The following CNKSR1 variants were observed in gnomAD, a reference collection of about 807,000 sequenced individuals.
The protein encoded by CNKSR1 is connector enhancer of kinase suppressor of Ras 1, also known as CNK homolog protein 1.
In CNKSR1, 88 loss-of-function variants were observed where a neutral mutation model predicts 95.6. The ratio of observed to expected loss-of-function variants is 0.92; its 90% CI spans 0.78 to 1.10. The LOEUF is 1.10. CNKSR1 is among the 50% of genes least tolerant of loss of function. CNKSR1 has a pLI of 0.00. For synonymous variants in CNKSR1, 355 were observed against 369.7 expected, an observed-to-expected ratio of 0.96 and a Z score of 0.46; for missense variants, 836 against 912.0, an observed-to-expected ratio of 0.92 and a Z score of 1.07.
chr1:26,188,591 C>G lies in CNKSR1; in HGVS notation c.1591-7C>G. On this transcript the variant is annotated splice_region_variant and splice_polypyrimidine_tract_variant and intron_variant, in intron 18 of 20. Transcript: ENST00000361530. ...GAAACCCTCTGTGCTTTCCACCCTG[C>G]CTGCAGCCCAGCCCTGCTCAAGCTG... 1 of 1,613,552 alleles carries G rather than the reference C, an allele frequency of 6.2e-7. No individual in the cohort carries two copies. Among genetic ancestry groups the G allele is most frequent in the Non-Finnish European group, 8.5e-7 (1 of 1,179,770 alleles).
chr1:26,184,728 T>G, intron 13 of CNKSR1, 116 bp downstream of exon 13: 2 of 1,268,238 alleles, frequency 1.6e-6, no homozygotes. Context: ...TGGAAACAGC[T>G]CTGTTTCTAG....
chr1:26,189,232 C>T lies in CNKSR1; in HGVS notation c.1873-47C>T, dbSNP rs542615973. The T allele has an allele frequency of 6.8e-6, 11 of 1,608,412 alleles. No homozygotes were observed. In the African/African-American group the frequency reaches 1.2e-4, roughly 18 times the overall value. ...GTGAAGTCTGGCCTCGGGCTCTGCC[C>T]ACTTCCCTGGGTGATCATGGTCCCT... On this transcript the variant is annotated intron_variant, in intron 20 of 20. Transcript: ENST00000361530.
rs746324200 is a variant in CNKSR1, at chr1:26,183,148, G to T, written c.625-49G>T. 3 of 1,575,684 alleles carry T rather than the reference G, an allele frequency of 1.9e-6. No individual in the cohort carries two copies. In the South Asian group the frequency reaches 3.3e-5, roughly 17 times the overall value. On this transcript the variant is annotated intron_variant, in intron 6 of 20. Coordinates refer to ENST00000361530, the MANE Select transcript of CNKSR1 (RefSeq NM_006314.3). ...GTGTCTGGCGGGGGTCCTGCCTATT[G>T]GCCCTGTTGCCCCCCAGCCCCCGGT...
At position 26,180,560 on chromosome 1, in the gene CNKSR1, C is replaced by G. The variant is rs1380537993; in HGVS notation, c.160C>G (p.Leu54Val). 2 of 1,614,110 alleles carry G rather than the reference C, an allele frequency of 1.2e-6. No individual in the cohort carries two copies. Among genetic ancestry groups the G allele is most frequent in the African/African-American group, 2.7e-5 (2 of 74,930 alleles). Reference protein sequence around the residue: ...QSLEALAVRSLGHQELILGGV... With the variant: ...QSLEALAVRSVGHQELILGGV... ...CCTCGAGGCTCTGGCTGTGCGGTCT[C>G]TGGGACACCAGGAGCTCATCCTGGG... Residue 54 changes from leucine to valine, a missense_variant, in exon 2 of 21, where the codon CTG becomes GTG. Transcript: ENST00000361530.
Position 26,188,571 on chromosome 1 carries a change from C to G in CNKSR1, c.1591-27C>G, listed in dbSNP as rs758145676. The G allele has an allele frequency of 2.5e-6, 4 of 1,612,906 alleles. No homozygotes were observed. In the South Asian group the frequency reaches 4.4e-5, roughly 18 times the overall value. On this transcript the variant is annotated intron_variant, in intron 18 of 20. Coordinates refer to ENST00000361530, the MANE Select transcript of CNKSR1 (RefSeq NM_006314.3). ...CAGGGCGTGGAGCTCAGACAGAAACCCTCTGTGCTTTCCACCCTGCCTGCA... is the reference window on the plus strand; with the variant it reads ...CAGGGCGTGGAGCTCAGACAGAAACGCTCTGTGCTTTCCACCCTGCCTGCA...
rs2088697889 is a variant in CNKSR1, at chr1:26,184,080, C to G, written c.865C>G (p.Gln289Glu). 2 of 1,611,400 alleles carry G rather than the reference C, an allele frequency of 1.2e-6. No individual in the cohort carries two copies. Among genetic ancestry groups the G allele is most frequent in the South Asian group, 1.1e-5 (1 of 90,860 alleles). Residue 289 changes from glutamine (Q) to glutamate (E), a missense_variant, in exon 10 of 21, where the codon CAG becomes GAG. Transcript: ENST00000361530. ...IPETPPQTPP[Q>E]VLDSPHQRSP... ...CCTGGTTGTTCCCCAGACGCCCCCT[C>G]AGGTCCTGGACTCCCCGCACCAGAG...
intron 6 of CNKSR1, among the ~76,000 whole-genome samples, chr1:26,182,837 T>A (rs1368316944): frequency 6.6e-6 from 1 of 152,260 alleles, no homozygotes; most frequent in South Asian, 2.1e-4. Flanking sequence ...GGGCAGGGGC[T>A]TGGGGGCAGT....
chr1:26,184,306 G>A lies in CNKSR1; in HGVS notation c.1000+19G>A. On this transcript the variant is annotated intron_variant, in intron 11 of 20. Transcript: ENST00000361530. ...TGGACAGGTAGTCTCAAAGCTCCAT[G>A]GATGCCCCGGACACGGCATCTGGGC... The A allele has an allele frequency of 1.2e-6, 2 of 1,612,366 alleles. No individual in the cohort carries two copies. Among genetic ancestry groups the A allele is most frequent in the Non-Finnish European group, 1.7e-6 (2 of 1,178,630 alleles).
At chr1:26,180,325 A>G in intron 1 of CNKSR1, 128 bp from the exon 2 acceptor site, 10 of 1,177,376 alleles carry the variant, frequency 8.5e-6, no homozygotes, top group Non-Finnish European at 1.2e-5. Flanking sequence ...AAATGGGCAG[A>G]ACAGCCTGGG....
intron 17 of CNKSR1, 25 bp downstream of exon 17, chr1:26,188,332 G>A: frequency 6.2e-7 from 1 of 1,612,982 alleles, no homozygotes; most frequent in Non-Finnish European, 8.5e-7. Context: ...GGGTTGAGTG[G>A]GAGGAACCCT....
Position 26,181,927 on chromosome 1 carries a change from C to A in CNKSR1, c.463C>A (p.Gln155Lys). The change falls in exon 4 of 21, where the codon CAG (glutamine) becomes AAG (lysine). Residue 155 changes from glutamine to lysine, a missense_variant. Coordinates refer to ENST00000361530, the MANE Select transcript of CNKSR1 (RefSeq NM_006314.3). ...EIRDLLEELSQVLHEDGPAAE... is the reference protein window; with the variant it reads ...EIRDLLEELSKVLHEDGPAAE... The stretch of plus-strand genomic sequence containing the variant: ...CCGAGACTTGTTGGAGGAGCTGAGC[C>A]AGGTCTTGCATGAGGTAGGAGAACC... 6.2e-7 allele frequency: 1 copy of A among 1,613,988 alleles called. No individual in the cohort carries two copies.
chr1:26,181,993 C>A, intron 4 of CNKSR1, 52 bp downstream of exon 4: 2 of 1,521,054 alleles, frequency 1.3e-6, no homozygotes, highest in South Asian at 1.1e-5. Flanking sequence ...CCAAGCTGGG[C>A]TAGAGCTTTT....
intron 1 of CNKSR1, 146 bp downstream of exon 1, chr1:26,177,745 G>T (rs2088585015): frequency 1.1e-6 from 1 of 894,676 alleles, no homozygotes; most frequent in Non-Finnish European, 1.7e-6. Context: ...GGAAGCCAAG[G>T]TGGGTGGGTC....
Position 26,182,575 on chromosome 1 carries a change from C to A in CNKSR1, c.615C>A (p.Asp205Glu), listed in dbSNP as rs750295179. The change falls in exon 6 of 21, where the codon GAC becomes GAA. Residue 205 changes from aspartate (D) to glutamate (E), a missense_variant. Physicochemically the swap from Asp to Glu is conservative, Grantham distance 45 (BLOSUM62 2). Transcript: ENST00000361530. ...CCGTGCTCGAGCAGGTGCAGCTGGA[C>A]AGTCCATTGGTGAGCCCTGCCCTCC... is the stretch of plus-strand genomic sequence containing the variant. ...QKAVLEQVQL[D>E]SPLGLEIHTT... The A allele has an allele frequency of 6.2e-7, 1 of 1,612,542 alleles. No homozygotes were observed. Among genetic ancestry groups the A allele is most frequent in the Non-Finnish European group, 8.5e-7 (1 of 1,179,858 alleles).
At chr1:26,179,406 G>T (rs553021546) in intron 1 of CNKSR1, among the ~76,000 whole-genome samples, 1 of 152,322 alleles carries the variant, frequency 6.6e-6, no homozygotes, top group Admixed American at 6.5e-5. Context: ...CCAGCAGGAG[G>T]AATAGCACTT....
intron 1 of CNKSR1, among the ~76,000 whole-genome samples, chr1:26,178,119 CT>C (rs1386723014): frequency 6.6e-6 from 1 of 152,180 alleles, no homozygotes; most frequent in Non-Finnish European, 1.5e-5. Context: ...AAGGGGGCCC[CT>C]CATCATGGCA....
At position 26,186,292 on chromosome 1, in the gene CNKSR1, T is replaced by C. The variant is rs576741535; in HGVS notation, c.1309-876T>C. On this transcript the variant is annotated intron_variant, in intron 14 of 20. Coordinates refer to ENST00000361530, the MANE Select transcript of CNKSR1 (RefSeq NM_006314.3). ...GAACAAATGCATGAGCAAGCTCTTCTTGTTTGGTTTTTTGGTTTTTGTTTT... is the reference window on the plus strand; with the variant it reads ...GAACAAATGCATGAGCAAGCTCTTCCTGTTTGGTTTTTTGGTTTTTGTTTT... Among the ~76,000 whole-genome samples the C allele has an allele frequency of 2.7e-4, 41 of 152,320 alleles. 1 individual carries two copies. Among genetic ancestry groups the C allele is most frequent in the African/African-American group, 9.1e-4 (38 of 41,568 alleles).
At chr1:26,181,533 AAAT>A (rs1381171806) in intron 3 of CNKSR1, 4 of 300,554 alleles carry the variant, frequency 1.3e-5, no homozygotes, top group Admixed American at 4.3e-5. Context: ...TACTATTAAT[AAAT>A]AATAAATAAT....
In CNKSR1 at chr1:26,188,700, G is replaced by A. The variant is rs755631694; in HGVS notation, c.1690+3G>A. On this transcript the variant is annotated splice_donor_region_variant and intron_variant, in intron 19 of 20. Coordinates refer to ENST00000361530, the MANE Select transcript of CNKSR1 (RefSeq NM_006314.3). ...GACCTCCTTTGGCTCTCTGACAGGT[G>A]CTGGGCTGGAGTTGGGAGCTGGGCT... The A allele has an allele frequency of 6.2e-7, 1 of 1,613,492 alleles. No individual in the cohort carries two copies. The highest frequency in any genetic ancestry group is 8.5e-7 in the Non-Finnish European group (1 of 1,179,676).
Sources: gnomAD v4.1 joint callset for allele counts (sites outside exome capture counted in the v4.1 genomes callset) on GRCh38, gnomAD v4.1.1 for gene constraint, MANE v1.5 for transcripts, NCBI Gene and HGNC (gene_info 2026-07-23, HGNC 2026-07-21) for gene names.